PTAR1: variants seen among roughly 807,000 people sequenced by gnomAD.
The protein encoded by PTAR1 is protein prenyltransferase alpha subunit repeat-containing protein 1.
PTAR1 carries 17 observed loss-of-function variants against 45.5 expected under a neutral mutation model. That is an observed-to-expected ratio of 0.37 (90% CI 0.26 to 0.56). The LOEUF is 0.56. Among genes scored for constraint, PTAR1 ranks in the 20% least tolerant of loss-of-function variants. The pLI is 0.77. For missense variants in PTAR1, 391 were observed against 476.3 expected, an observed-to-expected ratio of 0.82 and a Z score of 1.67; for synonymous variants, 169 against 171.3, an observed-to-expected ratio of 0.99 and a Z score of 0.11.
At chr9:69,733,348 C>A (rs932556655) in intron 4 of PTAR1, among the ~76,000 whole-genome samples, 18 of 152,100 alleles carry the variant, frequency 1.2e-4, no homozygotes, top group Non-Finnish European at 1.8e-4. Flanking sequence ...GGCACGATTA[C>A]CACTAAGACA....
chr9:69,731,556 AGAG>A (rs1408108711), intron 5 of PTAR1, among the ~76,000 whole-genome samples: 1 of 152,212 alleles, frequency 6.6e-6, no homozygotes, highest in East Asian at 1.9e-4. Flanking sequence ...TTAGGCTGTG[AGAG>A]TTTCCAAACT....
rs1213906083 is a variant in PTAR1, at chr9:69,741,794, C to T, written c.321G>A (p.Val107=). 1.3e-6 allele frequency: 2 copies of T among 1,588,612 alleles called. No homozygotes were observed. Among genetic ancestry groups the T allele is most frequent in the South Asian group, 2.3e-5 (2 of 87,840 alleles). The change falls in exon 3 of 8, where the codon GTG becomes GTA. Residue 107 remains valine, a splice_region_variant and synonymous_variant. Coordinates refer to ENST00000340434, the MANE Select transcript of PTAR1 (RefSeq NM_001099666.2). ...LNPDFTTAWN[V]RKELILSGTL... ...TATCACTAATGAAAATGACATACCTCACGTTCCATGCAGTGGTAAAGTCTG... is the reference window on the plus strand; with the variant it reads ...TATCACTAATGAAAATGACATACCTTACGTTCCATGCAGTGGTAAAGTCTG...
rs1824462442 is a variant in PTAR1, at chr9:69,709,994, C to T, written c.*8348G>A. ...GGCAAATTGGAACAGGCTGATCCTACTTCTAGAACATATTAAAATGAAGAT... is the reference window on the plus strand; with the variant it reads ...GGCAAATTGGAACAGGCTGATCCTATTTCTAGAACATATTAAAATGAAGAT... On this transcript the variant is annotated 3_prime_UTR_variant, in exon 8 of 8. Transcript: ENST00000340434. 1 of 152,068 alleles carries T rather than the reference C, an allele frequency of 6.6e-6. No homozygotes were observed. The highest frequency in any genetic ancestry group is 2.4e-5 in the African/African-American group (1 of 41,432). The allele number at this position is 152,068 out of a possible 1,614,324, so 9.4% of individuals were successfully genotyped here. A position where few individuals can be genotyped will look rare whatever the true frequency, so the allele number is the denominator to read the frequency against.
rs1276296534 is a variant in PTAR1, at chr9:69,714,017, CAGTCTCTACA to C, written c.*4315_*4324del. The C allele has an allele frequency of 1.3e-5, 2 of 152,182 alleles. No individual in the cohort carries two copies. The highest frequency in any genetic ancestry group is 3.4e-3 in the Middle Eastern group (1 of 294). The allele number at this position is 152,182 out of a possible 1,614,324, so 9.4% of individuals were successfully genotyped here. A position where few individuals can be genotyped will look rare whatever the true frequency, so the allele number is the denominator to read the frequency against. ...AGTAAGAAAGGCACTCGAATTAACA[CAGTCTCTACA>C]GTTATTTTTTAAAAGACACTATGTG... On this transcript the variant is annotated 3_prime_UTR_variant, in exon 8 of 8. Transcript: ENST00000340434.
At chr9:69,759,027 G>T (rs1826945754) in intron 1 of PTAR1, among the ~76,000 whole-genome samples, 1 of 146,596 alleles carries the variant, frequency 6.8e-6, no homozygotes, top group African/African-American at 2.6e-5. Flanking sequence ...TCTCTCAATA[G>T]CTTTCTTTTC....
At chr9:69,746,847 G>A (rs938099426) in intron 2 of PTAR1, among the ~76,000 whole-genome samples, 3 of 152,220 alleles carry the variant, frequency 2.0e-5, no homozygotes, top group Admixed American at 6.5e-5. Context: ...CCCAAGGCCA[G>A]TAGTCACCTG....
Position 69,759,833 on chromosome 9 carries a change from G to A in PTAR1, c.86+20C>T. ...CCCGCTCCCGACGACCCTCGGAGGCGGCGGAGGCGCGCGACTCACATGTGT... is the reference window on the plus strand; with the variant it reads ...CCCGCTCCCGACGACCCTCGGAGGCAGCGGAGGCGCGCGACTCACATGTGT... On this transcript the variant is annotated intron_variant, in intron 1 of 7. Coordinates refer to ENST00000340434, the MANE Select transcript of PTAR1 (RefSeq NM_001099666.2). 2.6e-6 allele frequency: 4 copies of A among 1,513,662 alleles called. No homozygotes were observed. Among genetic ancestry groups the A allele is most frequent in the Non-Finnish European group, 3.5e-6 (4 of 1,129,990 alleles). 93.8% of individuals were successfully genotyped at this position (1,513,662 alleles called of 1,614,324 possible). A position where few individuals can be genotyped will look rare whatever the true frequency, so the allele number is the denominator to read the frequency against.
chr9:69,724,594 T>C (rs1825178940), intron 5 of PTAR1, among the ~76,000 whole-genome samples: 1 of 151,616 alleles, frequency 6.6e-6, no homozygotes, highest in South Asian at 2.1e-4. Context: ...TGTACCATGA[T>C]CTTTTTTCCA....
intron 2 of PTAR1, among the ~76,000 whole-genome samples, chr9:69,749,044 T>C (rs959972257): frequency 6.6e-6 from 1 of 152,156 alleles, no homozygotes; most frequent in African/African-American, 2.4e-5. Context: ...ATGCCAGCTA[T>C]TCATGTGAGT....
chr9:69,732,411 T>A, intron 4 of PTAR1, 59 bp from the exon 5 acceptor site: 1 of 1,224,166 alleles, frequency 8.2e-7, no homozygotes, highest in South Asian at 1.3e-5. Context: ...GAGAGAAAAA[T>A]AACCAGTTTT....
At position 69,716,063 on chromosome 9, in the gene PTAR1, C is replaced by T. The variant is rs2134065420; in HGVS notation, c.*2279G>A. On this transcript the variant is annotated 3_prime_UTR_variant, in exon 8 of 8. Coordinates refer to ENST00000340434, the MANE Select transcript of PTAR1 (RefSeq NM_001099666.2). ...AGGCATGGAGCACTATAAAACTTAG[C>T]TAGTGTTTTATAGGGTATTGTCTAC... 6.6e-6 allele frequency: 1 copy of T among 152,206 alleles called. No homozygotes were observed. Among genetic ancestry groups the T allele is most frequent in the East Asian group, 1.9e-4 (1 of 5,178 alleles). 9.4% of individuals were successfully genotyped at this position (152,206 alleles called of 1,614,324 possible).
intron 1 of PTAR1, among the ~76,000 whole-genome samples, chr9:69,751,879 T>A (rs1588486067): frequency 6.6e-6 from 1 of 152,152 alleles, no homozygotes; most frequent in East Asian, 1.9e-4. Context: ...AAAATTTACA[T>A]TAAAGGCAGA....
In PTAR1 at chr9:69,729,340, T is replaced by C. The variant is rs1446510602; in HGVS notation, c.642+2799A>G. ...GTCTCAAAAATAAATAAATAAATAA[T>C]AATATTAGGCCTACCCTAATATAAC... On this transcript the variant is annotated intron_variant, in intron 5 of 7. Transcript: ENST00000340434. 3.3e-5 allele frequency among the ~76,000 whole-genome samples: 5 copies of C among 151,986 alleles called. No homozygotes were observed. The East Asian group carries it at 9.6e-4, about 29-fold the overall frequency.
intron 2 of PTAR1, among the ~76,000 whole-genome samples, chr9:69,744,700 C>T (rs1036197575): frequency 1.5e-4 from 23 of 152,064 alleles, no homozygotes; most frequent in African/African-American, 5.3e-4. Flanking sequence ...CTGTTTTATG[C>T]GTATCTTACT....
intron 3 of PTAR1, among the ~76,000 whole-genome samples, chr9:69,736,988 T>C (rs1166121333): frequency 6.6e-6 from 1 of 152,160 alleles, no homozygotes; most frequent in Non-Finnish European, 1.5e-5. Flanking sequence ...TGAACATTTG[T>C]AGGTGTTGGA....
intron 3 of PTAR1, among the ~76,000 whole-genome samples, chr9:69,740,885 C>G (rs1210504504): frequency 6.6e-6 from 1 of 151,992 alleles, no homozygotes; most frequent in Non-Finnish European, 1.5e-5. Flanking sequence ...TCAATATATC[C>G]AAAATATAAT....
At position 69,750,938 on chromosome 9, in the gene PTAR1, G is replaced by T; in HGVS notation, c.99C>A (p.Gly33=). The T allele has an allele frequency of 6.3e-7, 1 of 1,585,370 alleles. No individual in the cohort carries two copies. Residue 33 remains glycine (G), a synonymous_variant, in exon 2 of 8, where the codon GGC becomes GGA. Coordinates refer to ENST00000340434, the MANE Select transcript of PTAR1 (RefSeq NM_001099666.2). ...FRRNPHIDEI[G]LIPCPEARYN... is the part of the protein sequence containing the mutation. The stretch of plus-strand genomic sequence containing the variant: ...ACCTAGCTTCAGGACATGGGATCAG[G>T]CCAATTTCATCTCTTAATATGTAAA...
chr9:69,732,053 C>G, intron 5 of PTAR1, 86 bp downstream of exon 5: 1 of 943,698 alleles, frequency 1.1e-6, no homozygotes, highest in South Asian at 1.5e-5. Context: ...TTCTCTACTC[C>G]TTCAAAGCTC....
In PTAR1 at chr9:69,709,638, G is replaced by A. The variant is rs1421338215; in HGVS notation, c.*8704C>T. On this transcript the variant is annotated 3_prime_UTR_variant, in exon 8 of 8. Coordinates refer to ENST00000340434, the MANE Select transcript of PTAR1 (RefSeq NM_001099666.2). ...TACTTTATAGCTGGCTTGGTACATG[G>A]TCACATAAGAACAAATCTAATGGAA... 1 of 152,030 alleles carries A rather than the reference G, an allele frequency of 6.6e-6. No individual in the cohort carries two copies. Among genetic ancestry groups the A allele is most frequent in the East Asian group, 1.9e-4 (1 of 5,194 alleles). The allele number at this position is 152,030 out of a possible 1,614,324, so 9.4% of individuals were successfully genotyped here.
Sources: allele counts gnomAD v4.1 joint callset (sites outside exome capture counted in the v4.1 genomes callset), GRCh38; gene constraint gnomAD v4.1.1; transcripts MANE v1.5; gene names NCBI Gene and HGNC (gene_info 2026-07-23, HGNC 2026-07-21).